SNX29: variants seen among roughly 807,000 people sequenced by gnomAD.
SNX29 encodes the protein sorting nexin 29.
Under a neutral mutation model 102.1 loss-of-function variants are expected in SNX29, and 78 were observed. That is an observed-to-expected ratio of 0.76 (90% CI 0.64 to 0.92). The LOEUF is 0.92. Among genes scored for constraint, SNX29 ranks in the 40% least tolerant of loss-of-function variants. The pLI is 0.00. For missense variants in SNX29, 1,280 were observed against 1,061.7 expected (o/e 1.21, Z -2.86); for synonymous variants, 580 against 414.5 (o/e 1.40, Z -4.85).
intron 19 of SNX29, among the ~76,000 whole-genome samples, chr16:12,500,484 C>T (rs1244336018): frequency 3.3e-5 from 5 of 152,240 alleles, no homozygotes; most frequent in South Asian, 2.1e-4. Flanking sequence ...GCTCCTTTTG[C>T]TGTCAACCCC....
At chr16:12,349,504 T>A (rs1567465306) in intron 15 of SNX29, among the ~76,000 whole-genome samples, 1 of 152,254 alleles carries the variant, frequency 6.6e-6, no homozygotes, top group Non-Finnish European at 1.5e-5. Flanking sequence ...GAAGTCAGCA[T>A]ATTTTGAGTG....
At chr16:12,382,109 G>C (rs1049939433) in intron 16 of SNX29, among the ~76,000 whole-genome samples, 30 of 152,040 alleles carry the variant, frequency 2.0e-4, no homozygotes, top group Admixed American at 6.6e-4. Flanking sequence ...TCCACATCAA[G>C]GGAGGCAGCA....
intron 1 of SNX29, among the ~76,000 whole-genome samples, chr16:11,993,305 G>A (rs1272808172): frequency 6.6e-6 from 1 of 152,134 alleles, no homozygotes; most frequent in African/African-American, 2.4e-5. Flanking sequence ...CGGAGTGCCT[G>A]GTTGCCTCCT....
At chr16:12,353,983 A>G (rs1372824683) in intron 15 of SNX29, among the ~76,000 whole-genome samples, 4 of 152,234 alleles carry the variant, frequency 2.6e-5, no homozygotes, top group Non-Finnish European at 4.4e-5. Context: ...ATGAGAACCC[A>G]TAAGTGCCCT....
At chr16:12,209,216 G>A (rs1430637268) in intron 14 of SNX29, among the ~76,000 whole-genome samples, 1 of 152,188 alleles carries the variant, frequency 6.6e-6, no homozygotes, top group Non-Finnish European at 1.5e-5. Flanking sequence ...GTGACGGTTT[G>A]GAGCCTGGAG....
chr16:12,542,354 A>C (rs755231043), intron 20 of SNX29, among the ~76,000 whole-genome samples: 7 of 152,188 alleles, frequency 4.6e-5, no homozygotes, highest in African/African-American at 1.7e-4. Flanking sequence ...TCAAAAGAAA[A>C]AGTTAGACCC....
intron 15 of SNX29, among the ~76,000 whole-genome samples, chr16:12,303,643 G>T (rs2080251496): frequency 6.6e-6 from 1 of 152,190 alleles, no homozygotes; most frequent in Non-Finnish European, 1.5e-5. Flanking sequence ...TTGGAGAGAG[G>T]TTCTCAAAAG....
intron 11 of SNX29, among the ~76,000 whole-genome samples, chr16:12,107,467 G>A (rs1015246901): frequency 2.6e-5 from 4 of 151,608 alleles, no homozygotes; most frequent in African/African-American, 9.7e-5. Flanking sequence ...AGGAGTTCAA[G>A]ACCAGCCTGG....
chr16:12,276,018 G>A (rs1010297485), intron 14 of SNX29, among the ~76,000 whole-genome samples: 2 of 150,872 alleles, frequency 1.3e-5, no homozygotes, highest in Non-Finnish European at 2.9e-5. Context: ...TCAGCCCTCC[G>A]AGTAGCTGGG....
intron 18 of SNX29, among the ~76,000 whole-genome samples, chr16:12,406,099 T>TA (rs2084152110): frequency 6.6e-6 from 1 of 151,374 alleles, no homozygotes. Flanking sequence ...GAGAAACGTC[T>TA]AAAAAAGAAT....
chr16:12,372,580 C>G (rs967618943), intron 16 of SNX29: 4 of 152,082 alleles, frequency 2.6e-5, no homozygotes, highest in African/African-American at 9.7e-5. Flanking sequence ...GCTGTTGATG[C>G]ACAGTAGTTG....
At chr16:12,021,663 G>A (rs945600981) in intron 3 of SNX29, among the ~76,000 whole-genome samples, 3 of 152,144 alleles carry the variant, frequency 2.0e-5, no homozygotes, top group East Asian at 1.9e-4. Context: ...CAAGGTAGGC[G>A]GATCACTTGA....
intron 19 of SNX29, among the ~76,000 whole-genome samples, chr16:12,487,487 G>T (rs768897191): frequency 6.6e-6 from 1 of 152,134 alleles, no homozygotes; most frequent in Non-Finnish European, 1.5e-5. Context: ...TAAGCATCTT[G>T]CCCAAGCTCC....
chr16:12,552,590 A>AT (rs35378610), intron 20 of SNX29, among the ~76,000 whole-genome samples: 7,390 of 152,256 alleles, frequency 0.049, 342 homozygotes, highest in East Asian at 0.19. Context: ...CATGGAGTTT[A>AT]TATTCTCATG....
intron 13 of SNX29, among the ~76,000 whole-genome samples, chr16:12,170,155 A>G (rs1314189107): frequency 1.3e-5 from 2 of 152,054 alleles, no homozygotes; most frequent in African/African-American, 4.8e-5. Context: ...GATGTTGCCC[A>G]GTGTCCCCTG....
chr16:12,541,871 A>C (rs572681444), intron 20 of SNX29, among the ~76,000 whole-genome samples: 2 of 152,194 alleles, frequency 1.3e-5, no homozygotes, highest in African/African-American at 4.8e-5. Flanking sequence ...AAACCAGTCA[A>C]TGCTTGATGA....
At chr16:12,427,882 G>C (rs981289515) in intron 18 of SNX29, among the ~76,000 whole-genome samples, 13 of 152,242 alleles carry the variant, frequency 8.5e-5, no homozygotes, top group African/African-American at 3.1e-4. Context: ...AGTTCCCAGA[G>C]CAGTTGCTAA....
rs143046157 is a variant in SNX29, at chr16:12,564,464, G to A, written c.2319-4042G>A. 2.4e-3 allele frequency among the ~76,000 whole-genome samples: 361 copies of A among 152,338 alleles called. 1 individual carries two copies. Among genetic ancestry groups the A allele is most frequent in the African/African-American group, 8.3e-3 (347 of 41,566 alleles). On this transcript the variant is annotated intron_variant, in intron 20 of 20. Coordinates refer to ENST00000566228, the MANE Select transcript of SNX29 (RefSeq NM_032167.5). ...GATCAGAAAGCTGTGTTTTGGGGAG[G>A]TTATGGATCTTTCTCCAAGGTCTAG...
At chr16:12,095,706 T>C (rs2052739084) in intron 11 of SNX29, among the ~76,000 whole-genome samples, 1 of 152,218 alleles carries the variant, frequency 6.6e-6, no homozygotes, top group African/African-American at 2.4e-5. Flanking sequence ...ATTGTTGCCT[T>C]CTTGCCCCTT....
Sources: gnomAD v4.1 joint callset for allele counts (sites outside exome capture counted in the v4.1 genomes callset) on GRCh38, gnomAD v4.1.1 for gene constraint, MANE v1.5 for transcripts, NCBI Gene and HGNC (gene_info 2026-07-23, HGNC 2026-07-21) for gene names.